PPFIA2: variants seen among roughly 807,000 people sequenced by gnomAD.
PPFIA2 encodes the protein liprin-alpha-2.
PPFIA2 carries 46 observed loss-of-function variants against 175.5 expected under a neutral mutation model. That is an observed-to-expected ratio of 0.26 (90% CI 0.21 to 0.34). The LOEUF (loss-of-function observed/expected upper bound fraction) is 0.34, where lower values mean the gene tolerates loss of function less well. PPFIA2 is among the 10% of genes least tolerant of loss of function. The pLI is 1.00. For synonymous variants in PPFIA2, 568 were observed against 511.4 expected, an observed-to-expected ratio of 1.11 and a Z score of -1.49; for missense variants, 1,179 against 1,506.1, an observed-to-expected ratio of 0.78 and a Z score of 3.60.
intron 9 of PPFIA2, among the ~76,000 whole-genome samples, chr12:81,377,161 G>A (rs117553780): frequency 0.086 from 13,125 of 152,040 alleles, 817 homozygotes; most frequent in Middle Eastern, 0.16. Flanking sequence ...GAAGTGAGAT[G>A]CTGTGTGTGT....
In PPFIA2 at chr12:81,347,698, G is replaced by A; in HGVS notation, c.2067C>T (p.Ser689=). Reference sequence around the variant, plus strand: ...CCCTTGCCAAATTCAGGCCTTCGAGGCTCACACTAGCCACTCTATTTTCAA... The same window carrying A: ...CCCTTGCCAAATTCAGGCCTTCGAGACTCACACTAGCCACTCTATTTTCAA... ...EEIENRVASV[S]LEGLNLARVH... Residue 689 remains serine (S), a synonymous_variant, in exon 18 of 33, where the codon AGC becomes AGT. Coordinates refer to ENST00000549396, the MANE Select transcript of PPFIA2 (RefSeq NM_003625.5). The A allele has an allele frequency of 6.2e-7, 1 of 1,613,854 alleles. No homozygotes were observed. Among genetic ancestry groups the A allele is most frequent in the Non-Finnish European group, 8.5e-7 (1 of 1,179,822 alleles).
intron 12 of PPFIA2, 98 bp from the exon 13 acceptor site, chr12:81,368,954 G>T: frequency 7.1e-7 from 1 of 1,405,652 alleles, no homozygotes; most frequent in Non-Finnish European, 9.6e-7. Context: ...TTTTACATCT[G>T]TTTTGATTAA....
chr12:81,266,619 A>G (rs2037345914), intron 30 of PPFIA2, among the ~76,000 whole-genome samples: 1 of 152,210 alleles, frequency 6.6e-6, no homozygotes, highest in African/African-American at 2.4e-5. Context: ...TTTATTAAAA[A>G]GCTGAATTTA....
intron 4 of PPFIA2, among the ~76,000 whole-genome samples, chr12:81,592,994 G>A (rs529467027): frequency 2.0e-5 from 3 of 152,174 alleles, no homozygotes; most frequent in South Asian, 4.2e-4. Context: ...CTGAGCTCAG[G>A]AGTTCCACTT....
chr12:81,741,802 G>T (rs768403682), intron 3 of PPFIA2, among the ~76,000 whole-genome samples: 1 of 152,072 alleles, frequency 6.6e-6, no homozygotes, highest in Non-Finnish European at 1.5e-5. Flanking sequence ...AGAAAAGTAA[G>T]ATAAAGAAAT....
chr12:81,753,275 C>T (rs929023847), intron 3 of PPFIA2, among the ~76,000 whole-genome samples: 2 of 151,976 alleles, frequency 1.3e-5, no homozygotes, highest in Non-Finnish European at 2.9e-5. Flanking sequence ...TCATCATTAA[C>T]TTTGTATATA....
In PPFIA2 at chr12:81,677,896, C is replaced by T. The variant is rs1038704828; in HGVS notation, c.250-1052G>A. 9.2e-5 allele frequency among the ~76,000 whole-genome samples: 14 copies of T among 151,692 alleles called. No individual in the cohort carries two copies. In the East Asian group the frequency reaches 2.3e-3, roughly 25 times the overall value. On this transcript the variant is annotated intron_variant, in intron 3 of 32. Transcript: ENST00000549396. ...CCCTATCAGTTCTAAGGCTTTGGTT[C>T]CAGGGTTACTAATGATTATATGACT...
chr12:81,582,643 T>C (rs2074584717), intron 4 of PPFIA2, among the ~76,000 whole-genome samples: 1 of 151,848 alleles, frequency 6.6e-6, no homozygotes, highest in African/African-American at 2.4e-5. Context: ...TTATTCTTTC[T>C]TATTAGATAT....
chr12:81,319,616 C>T (rs184351231), intron 22 of PPFIA2, among the ~76,000 whole-genome samples: 3 of 151,904 alleles, frequency 2.0e-5, no homozygotes, highest in East Asian at 1.9e-4. Flanking sequence ...AATAAACCCT[C>T]GACTAAAATA....
intron 4 of PPFIA2, among the ~76,000 whole-genome samples, chr12:81,494,702 C>G (rs1431824542): frequency 6.6e-6 from 1 of 151,772 alleles, no homozygotes; most frequent in Non-Finnish European, 1.5e-5. Flanking sequence ...CCCAAATGTC[C>G]AACAACAATA....
At chr12:81,620,130 A>G (rs1032713401) in intron 4 of PPFIA2, among the ~76,000 whole-genome samples, 1 of 136,338 alleles carries the variant, frequency 7.3e-6, no homozygotes, top group Non-Finnish European at 1.5e-5. Context: ...ACTGCACTCC[A>G]GCCTGGGCCA....
intron 24 of PPFIA2, among the ~76,000 whole-genome samples, chr12:81,289,033 A>G (rs1294253169): frequency 6.6e-6 from 1 of 151,822 alleles, no homozygotes; most frequent in African/African-American, 2.4e-5. Flanking sequence ...AAACCCACAT[A>G]GGAGTATGAC....
intron 4 of PPFIA2, among the ~76,000 whole-genome samples, chr12:81,612,284 C>T (rs2061004969): frequency 6.6e-6 from 1 of 152,108 alleles, no homozygotes; most frequent in African/African-American, 2.4e-5. Flanking sequence ...TTCACTCACT[C>T]ACTTGTAGTG....
At chr12:81,542,108 G>C (rs1456858965) in intron 4 of PPFIA2, among the ~76,000 whole-genome samples, 1 of 152,070 alleles carries the variant, frequency 6.6e-6, no homozygotes, top group Non-Finnish European at 1.5e-5. Context: ...ATTTAACTAA[G>C]AATTTTGAGA....
intron 7 of PPFIA2, among the ~76,000 whole-genome samples, chr12:81,439,183 C>CTATA (rs199639649): frequency 2.0e-5 from 3 of 148,456 alleles, no homozygotes; most frequent in African/African-American, 4.9e-5. Context: ...CTCTCTCTCT[C>CTATA]TCTATATATA....
chr12:81,334,171 C>T (rs61268258), intron 21 of PPFIA2, among the ~76,000 whole-genome samples: 4,598 of 152,252 alleles, frequency 0.03, 216 homozygotes, highest in African/African-American at 0.1. Flanking sequence ...GTCAGGACTG[C>T]AATTATTTAT....
At chr12:81,422,102 G>T (rs922140657) in intron 7 of PPFIA2, among the ~76,000 whole-genome samples, 1 of 145,434 alleles carries the variant, frequency 6.9e-6, no homozygotes, top group Non-Finnish European at 1.5e-5. Context: ...ATATATGTGT[G>T]TATATATATG....
chr12:81,652,374 T>A (rs1161365416), intron 4 of PPFIA2, among the ~76,000 whole-genome samples: 1 of 151,468 alleles, frequency 6.6e-6, no homozygotes, highest in African/African-American at 2.4e-5. Flanking sequence ...TTCATTTCCA[T>A]CTCATCTTAC....
intron 23 of PPFIA2, among the ~76,000 whole-genome samples, chr12:81,297,098 T>C (rs1331698171): frequency 1.3e-5 from 2 of 152,170 alleles, no homozygotes; most frequent in Non-Finnish European, 2.9e-5. Context: ...AAGGAACTAA[T>C]GTTTCTGGCC....
Sources: gnomAD v4.1 joint callset for allele counts (sites outside exome capture counted in the v4.1 genomes callset) on GRCh38, gnomAD v4.1.1 for gene constraint, MANE v1.5 for transcripts, NCBI Gene and HGNC (gene_info 2026-07-23, HGNC 2026-07-21) for gene names.